Variants in KCNIP1 observed in about 807,000 individuals in gnomAD.
KCNIP1 encodes A-type potassium channel modulatory protein KCNIP1.
Under a neutral mutation model 33.0 loss-of-function variants are expected in KCNIP1, and 18 were observed. That is an observed-to-expected ratio of 0.55 (90% CI 0.38 to 0.81). KCNIP1 has a LOEUF of 0.81. KCNIP1 is among the 30% of genes least tolerant of loss of function. KCNIP1 has a pLI of 0.00. For missense variants in KCNIP1, 238 were observed against 271.6 expected, an observed-to-expected ratio of 0.88 and a Z score of 0.87; for synonymous variants, 93 against 98.3, an observed-to-expected ratio of 0.95 and a Z score of 0.32.
At chr5:170,487,715 G>A (rs1757128291) in intron 1 of KCNIP1, among the ~76,000 whole-genome samples, 1 of 151,772 alleles carries the variant, frequency 6.6e-6, no homozygotes, top group Admixed American at 6.6e-5. Flanking sequence ...AGAGACAGGG[G>A]CCATGTTACC....
At chr5:170,531,744 G>C (rs916174320) in intron 1 of KCNIP1, among the ~76,000 whole-genome samples, 81 of 152,190 alleles carry the variant, frequency 5.3e-4, no homozygotes, top group Non-Finnish European at 1.8e-4. Context: ...CCCAGGGAGT[G>C]CTGACAATGG....
intron 1 of KCNIP1, among the ~76,000 whole-genome samples, chr5:170,695,775 C>T (rs1293035223): frequency 6.6e-6 from 1 of 152,170 alleles, no homozygotes; most frequent in Non-Finnish European, 1.5e-5. Context: ...AATCCCAGCA[C>T]TTTGGGAGGC....
chr5:170,514,146 A>G (rs1021112656), intron 1 of KCNIP1, among the ~76,000 whole-genome samples: 3 of 152,196 alleles, frequency 2.0e-5, no homozygotes, highest in East Asian at 1.9e-4. Context: ...TAGTTTCCCA[A>G]CTCCCAGGAA....
intron 1 of KCNIP1, among the ~76,000 whole-genome samples, chr5:170,395,270 T>C (rs1411620073): frequency 6.6e-6 from 1 of 152,252 alleles, no homozygotes; most frequent in Non-Finnish European, 1.5e-5. Context: ...GTTATTTTTT[T>C]ACTTTTTAGT....
intron 1 of KCNIP1, among the ~76,000 whole-genome samples, chr5:170,372,816 T>A (rs1275878439): frequency 6.6e-6 from 1 of 152,190 alleles, no homozygotes; most frequent in Non-Finnish European, 1.5e-5. Flanking sequence ...TGCAGCAATC[T>A]CATGGGGCGT....
At chr5:170,573,608 A>G (rs1280582582) in intron 1 of KCNIP1, among the ~76,000 whole-genome samples, 1 of 152,200 alleles carries the variant, frequency 6.6e-6, no homozygotes, top group Admixed American at 6.5e-5. Context: ...AAGGTCTACT[A>G]CTGAAGAATG....
chr5:170,692,554 T>C (rs1311757376), intron 1 of KCNIP1, among the ~76,000 whole-genome samples: 1 of 152,196 alleles, frequency 6.6e-6, no homozygotes, highest in African/African-American at 2.4e-5. Context: ...CAGATGCCAG[T>C]TCATGCACTT....
intron 1 of KCNIP1, among the ~76,000 whole-genome samples, chr5:170,399,015 G>A (rs938776149): frequency 6.6e-6 from 1 of 152,204 alleles, no homozygotes; most frequent in African/African-American, 2.4e-5. Flanking sequence ...TTGTTACAGA[G>A]TAGGGCATCC....
chr5:170,637,538 A>G (rs1030150911), intron 1 of KCNIP1, among the ~76,000 whole-genome samples: 3 of 151,926 alleles, frequency 2.0e-5, no homozygotes, highest in African/African-American at 4.8e-5. Context: ...CCTCTGCTCT[A>G]TTCCCTCAGA....
At chr5:170,589,753 G>GTGA (rs879785338) in intron 1 of KCNIP1, among the ~76,000 whole-genome samples, 2,675 of 124,146 alleles carry the variant, frequency 0.022, 96 homozygotes, top group African/African-American at 0.072. Flanking sequence ...GTGTGGTGTG[G>GTGA]TGTGGTGTGG....
Position 170,504,038 on chromosome 5 carries a change from T to C in KCNIP1, c.-535T>C, listed in dbSNP as rs1044912880. ...CCGCTCCGACTCTCGCCCCGAGCGC[T>C]GGCAGCAGGCAGCAGGCAGCAGGCG... is the stretch of plus-strand genomic sequence containing the variant. On this transcript the variant is annotated 5_prime_UTR_variant, in exon 1 of 8. Transcript: ENST00000328939. The surrounding 1 kb of genome is among the most constrained non-coding windows in gnomAD (Gnocchi z 6.0). 2.0e-6 allele frequency: 2 copies of C among 985,200 alleles called. No individual in the cohort carries two copies. Among genetic ancestry groups the C allele is most frequent in the Non-Finnish European group, 1.2e-6 (1 of 829,794 alleles). 61.0% of individuals were successfully genotyped at this position (985,200 alleles called of 1,614,324 possible).
chr5:170,670,266 C>A (rs980328974), intron 1 of KCNIP1, among the ~76,000 whole-genome samples: 9 of 151,984 alleles, frequency 5.9e-5, no homozygotes, highest in Admixed American at 4.6e-4. Context: ...GACAGATGGA[C>A]GGAGAGAGAG....
intron 1 of KCNIP1, among the ~76,000 whole-genome samples, chr5:170,495,195 C>T (rs1163657413): frequency 6.6e-6 from 1 of 152,142 alleles, no homozygotes; most frequent in African/African-American, 2.4e-5. Context: ...GTGGGCTCTA[C>T]CTCTGGTGGG....
At chr5:170,481,469 A>G (rs1244490958) in intron 1 of KCNIP1, among the ~76,000 whole-genome samples, 3 of 152,190 alleles carry the variant, frequency 2.0e-5, no homozygotes, top group Non-Finnish European at 4.4e-5. Context: ...TTGAGTTCAC[A>G]TTAGTGTTCC....
At chr5:170,435,474 C>T (rs1463927400) in intron 1 of KCNIP1, among the ~76,000 whole-genome samples, 4 of 152,236 alleles carry the variant, frequency 2.6e-5, no homozygotes, top group Admixed American at 2.6e-4. Context: ...TCCGCCTCCT[C>T]ATCTGGAGAG....
chr5:170,698,029 C>G (rs1172466864), intron 1 of KCNIP1, among the ~76,000 whole-genome samples: 1 of 152,154 alleles, frequency 6.6e-6, no homozygotes, highest in Non-Finnish European at 1.5e-5. Flanking sequence ...TCTATCCATA[C>G]AAGCAAGAGC....
intron 1 of KCNIP1, among the ~76,000 whole-genome samples, chr5:170,556,702 GC>G (rs1466114784): frequency 6.6e-6 from 1 of 152,238 alleles, no homozygotes; most frequent in Admixed American, 6.5e-5. Context: ...TCTCCATTCA[GC>G]CCCATCTGCA....
At chr5:170,538,949 G>A (rs1400157145) in intron 1 of KCNIP1, among the ~76,000 whole-genome samples, 3 of 151,916 alleles carry the variant, frequency 2.0e-5, no homozygotes, top group Admixed American at 2.0e-4. Flanking sequence ...CTGAACTGCT[G>A]CTAGCCCCAG....
At chr5:170,627,022 T>C (rs557455323) in intron 1 of KCNIP1, among the ~76,000 whole-genome samples, 2 of 152,236 alleles carry the variant, frequency 1.3e-5, no homozygotes, top group Admixed American at 1.3e-4. Context: ...CCTGCAGCGG[T>C]AGCCCTGGCC....
Sources: gnomAD v4.1 joint callset for allele counts (sites outside exome capture counted in the v4.1 genomes callset) on GRCh38, gnomAD v4.1.1 for gene constraint, Gnocchi (gnomAD v3.1) non-coding constraint, MANE v1.5 for transcripts, NCBI Gene and HGNC (gene_info 2026-07-23, HGNC 2026-07-21) for gene names.